MAST4: variants seen among roughly 807,000 people sequenced by gnomAD.
MAST4 encodes microtubule-associated serine/threonine-protein kinase 4.
Under a neutral mutation model 162.7 loss-of-function variants are expected in MAST4, and 89 were observed. The ratio of observed to expected loss-of-function variants is 0.55; its 90% CI spans 0.46 to 0.65. The LOEUF is 0.65. Among genes scored for constraint, MAST4 ranks in the 30% least tolerant of loss-of-function variants. The pLI is 0.00. For synonymous variants in MAST4, 1,479 were observed against 1,361.1 expected (o/e 1.09, Z -1.91); for missense variants, 3,153 against 3,374.0 (o/e 0.93, Z 1.62).
intron 1 of MAST4, chr5:66,738,357 C>T (rs990803222): frequency 6.6e-6 from 1 of 152,358 alleles, no homozygotes; most frequent in Non-Finnish European, 1.5e-5. Flanking sequence ...GACTTTGTCA[C>T]CTGGCCCTGT....
At chr5:66,638,286 G>A (rs7701724) in intron 1 of MAST4, among the ~76,000 whole-genome samples, 2,517 of 152,158 alleles carry the variant, frequency 0.017, 65 homozygotes, top group African/African-American at 0.058. Flanking sequence ...AAATGCAGAC[G>A]CATGGTCCGG....
chr5:66,761,241 C>A (rs570212874), intron 2 of MAST4, among the ~76,000 whole-genome samples: 1 of 152,250 alleles, frequency 6.6e-6, no homozygotes, highest in African/African-American at 2.4e-5. Flanking sequence ...AATTCTTTCA[C>A]CCCTTTTTAA....
At chr5:66,748,448 CCTCA>C (rs1752920031) in intron 1 of MAST4, among the ~76,000 whole-genome samples, 1 of 131,054 alleles carries the variant, frequency 7.6e-6, no homozygotes, top group African/African-American at 2.8e-5. Context: ...TCCCTCTCTC[CCTCA>C]CTCCCTCCTT....
At chr5:66,753,582 C>T (rs899722639) in intron 1 of MAST4, among the ~76,000 whole-genome samples, 4 of 151,550 alleles carry the variant, frequency 2.6e-5, no homozygotes, top group Non-Finnish European at 5.9e-5. Context: ...ATGCATACAC[C>T]CTCCTAAGAC....
At chr5:66,736,367 G>A (rs1173561336) in intron 1 of MAST4, among the ~76,000 whole-genome samples, 1 of 137,554 alleles carries the variant, frequency 7.3e-6, no homozygotes, top group African/African-American at 2.8e-5. Context: ...CCTTATATGT[G>A]CCTCTTAGCC....
intron 4 of MAST4, among the ~76,000 whole-genome samples, chr5:67,005,399 G>A (rs1251052269): frequency 1.3e-5 from 2 of 152,186 alleles, no homozygotes; most frequent in Non-Finnish European, 2.9e-5. Context: ...CTGTCCCTTT[G>A]ACCTGATCAT....
chr5:67,046,918 G>T (rs938454), intron 4 of MAST4, among the ~76,000 whole-genome samples: 70,289 of 151,832 alleles, frequency 0.46, 17,873 homozygotes, highest in African/African-American at 0.68. Flanking sequence ...AAGCCAATAA[G>T]GTCAATAATT....
intron 2 of MAST4, among the ~76,000 whole-genome samples, chr5:66,769,698 T>C (rs1754275872): frequency 6.6e-6 from 1 of 152,232 alleles, no homozygotes; most frequent in Non-Finnish European, 1.5e-5. Context: ...AATATTATCC[T>C]GTTACAGGAC....
chr5:66,744,639 A>G (rs184127388), intron 1 of MAST4, among the ~76,000 whole-genome samples: 260 of 152,292 alleles, frequency 1.7e-3, no homozygotes, highest in African/African-American at 5.9e-3. Context: ...CATGTCTTAC[A>G]TGGCAGGAAC....
intron 1 of MAST4, among the ~76,000 whole-genome samples, chr5:66,650,888 G>A (rs560364981): frequency 2.6e-5 from 4 of 152,256 alleles, no homozygotes; most frequent in Admixed American, 1.3e-4. Flanking sequence ...TTCATATCCC[G>A]TTGATCAAAA....
At chr5:66,954,816 G>A (rs965075914) in intron 4 of MAST4, among the ~76,000 whole-genome samples, 2 of 151,790 alleles carry the variant, frequency 1.3e-5, no homozygotes, top group African/African-American at 4.9e-5. Flanking sequence ...TAGGAGAATC[G>A]CTTGAACCCT....
At chr5:66,880,904 A>C (rs1284903174) in intron 3 of MAST4, among the ~76,000 whole-genome samples, 1 of 152,236 alleles carries the variant, frequency 6.6e-6, no homozygotes, top group African/African-American at 2.4e-5. Context: ...GAGATTGAGT[A>C]CTTAGACTGG....
At chr5:66,652,072 G>T (rs1175022987) in intron 1 of MAST4, among the ~76,000 whole-genome samples, 1 of 152,178 alleles carries the variant, frequency 6.6e-6, no homozygotes, top group African/African-American at 2.4e-5. Context: ...AGGAGGTGGT[G>T]ATTATTGGGG....
chr5:67,083,893 A>T (rs964860696), intron 5 of MAST4, among the ~76,000 whole-genome samples: 3 of 152,190 alleles, frequency 2.0e-5, no homozygotes, highest in African/African-American at 7.2e-5. Flanking sequence ...ATGCAACTTA[A>T]AATCAACTTT....
At chr5:67,138,806 G>A (rs960551119) in intron 19 of MAST4, among the ~76,000 whole-genome samples, 1 of 152,134 alleles carries the variant, frequency 6.6e-6, no homozygotes, top group Non-Finnish European at 1.5e-5. Flanking sequence ...TCATATCAGT[G>A]CTCAAAAAAT....
At chr5:66,902,866 A>G (rs1052473813) in intron 4 of MAST4, 28 of 341,394 alleles carry the variant, frequency 8.2e-5, no homozygotes, top group Non-Finnish European at 4.6e-5. Context: ...TTCTTCCTGT[A>G]CTTTCCCCCT....
intron 15 of MAST4, among the ~76,000 whole-genome samples, chr5:67,131,363 G>A (rs564630917): frequency 4.6e-5 from 7 of 152,010 alleles, no homozygotes; most frequent in Admixed American, 1.3e-4. Flanking sequence ...TTTAATTCTC[G>A]TAAGAATTCT....
intron 4 of MAST4, among the ~76,000 whole-genome samples, chr5:67,038,069 T>G (rs984411228): frequency 6.6e-6 from 1 of 152,062 alleles, no homozygotes; most frequent in Non-Finnish European, 1.5e-5. Context: ...AAAAAGAAAT[T>G]TGCTTCTTTG....
chr5:66,728,366 T>G (rs1372354722), intron 1 of MAST4, among the ~76,000 whole-genome samples: 1 of 152,152 alleles, frequency 6.6e-6, no homozygotes, highest in Non-Finnish European at 1.5e-5. Context: ...ACATCCAAGT[T>G]GAGATGGTTC....
Sources: allele counts gnomAD v4.1 joint callset (sites outside exome capture counted in the v4.1 genomes callset), GRCh38; gene constraint gnomAD v4.1.1; transcripts MANE v1.5; gene names NCBI Gene and HGNC (gene_info 2026-07-23, HGNC 2026-07-21).